The following EYS variants were observed in gnomAD, a reference collection of about 807,000 sequenced individuals.
The protein encoded by EYS is EGF-like photoreceptor maintenance factor.
EYS carries 250 observed loss-of-function variants against 282.1 expected under a neutral mutation model. The ratio of observed to expected loss-of-function variants is 0.89; its 90% CI spans 0.80 to 0.98. The LOEUF (loss-of-function observed/expected upper bound fraction) is 0.98, where lower values mean the gene tolerates loss of function less well. Ranked by LOEUF, EYS falls within the 50% of genes least tolerant of loss-of-function variation. The pLI is 0.00. For synonymous variants in EYS, 1,355 were observed against 1,282.9 expected, an observed-to-expected ratio of 1.06 and a Z score of -1.20; for missense variants, 4,016 against 3,709.0, an observed-to-expected ratio of 1.08 and a Z score of -2.15.
intron 22 of EYS, chr6:64,631,099 A>G (rs1038115479): frequency 6.6e-6 from 1 of 152,206 alleles, no homozygotes; most frequent in African/African-American, 2.4e-5. Flanking sequence ...TTGCTCTGCA[A>G]TACTAGGAGA....
At chr6:65,338,179 A>G (rs1213973388) in intron 10 of EYS, among the ~76,000 whole-genome samples, 2 of 151,104 alleles carry the variant, frequency 1.3e-5, no homozygotes, top group East Asian at 1.9e-4. Context: ...AACTATTGCA[A>G]GTAATTTCTA....
At chr6:64,373,286 C>T (rs1178625010) in intron 29 of EYS, among the ~76,000 whole-genome samples, 1 of 151,948 alleles carries the variant, frequency 6.6e-6, no homozygotes, top group South Asian at 2.1e-4. Flanking sequence ...TATAGGTGTG[C>T]TTGGTTGAAT....
chr6:64,123,380 T>C (rs1441533813), intron 31 of EYS, among the ~76,000 whole-genome samples: 1 of 152,222 alleles, frequency 6.6e-6, no homozygotes. Context: ...AGCAAATTTC[T>C]TAAATTGATT....
At chr6:64,162,175 A>G (rs1775127410) in intron 31 of EYS, among the ~76,000 whole-genome samples, 1 of 152,168 alleles carries the variant, frequency 6.6e-6, no homozygotes, top group Non-Finnish European at 1.5e-5. Context: ...AGAGAACATT[A>G]TTTGAGATCC....
intron 33 of EYS, among the ~76,000 whole-genome samples, chr6:64,050,589 C>T (rs1469789408): frequency 6.6e-6 from 1 of 152,100 alleles, no homozygotes; most frequent in Non-Finnish European, 1.5e-5. Context: ...TCTTTCTTTC[C>T]TAGTACTGGG....
chr6:63,864,661 C>A (rs1286232193), intron 35 of EYS, among the ~76,000 whole-genome samples: 2 of 152,096 alleles, frequency 1.3e-5, no homozygotes, highest in Non-Finnish European at 2.9e-5. Flanking sequence ...CTTTTCAGGG[C>A]TTCATTGAAT....
chr6:64,418,441 T>C (rs1309834116), intron 28 of EYS, among the ~76,000 whole-genome samples: 1 of 151,932 alleles, frequency 6.6e-6, no homozygotes, highest in African/African-American at 2.4e-5. Context: ...TCTAAAGGAG[T>C]CTTTCCTGTG....
Position 64,617,488 on chromosome 6 carries a change from T to C in EYS, c.3614A>G (p.Asn1205Ser), listed in dbSNP as rs1767311557. The C allele has an allele frequency of 1.5e-5, 23 of 1,550,942 alleles. No individual in the cohort carries two copies. The highest frequency in any genetic ancestry group is 1.9e-5 in the Non-Finnish European group (22 of 1,146,484). The change falls in exon 24 of 43, where the codon AAC becomes AGC. Residue 1205 changes from asparagine (N) to serine (S), a missense_variant. By Grantham distance (46) the Asn-to-Ser change is conservative. Coordinates refer to ENST00000503581, the MANE Select transcript of EYS (RefSeq NM_001142800.2). Reference sequence around the variant, plus strand: ...CATGCAGAGTTCATGAACACATGAGTTGGGAATGCACTCAAGCTCATTCTC... The same window carrying C: ...CATGCAGAGTTCATGAACACATGAGCTGGGAATGCACTCAAGCTCATTCTC... Reference protein sequence around the residue: ...HCENELECIPNSCVHELCMEN... With the variant: ...HCENELECIPSSCVHELCMEN...
At chr6:64,263,088 G>A (rs75117159) in intron 30 of EYS, among the ~76,000 whole-genome samples, 5,778 of 151,960 alleles carry the variant, frequency 0.038, 265 homozygotes, top group African/African-American at 0.11. Context: ...GATAGTAAAC[G>A]CTAGTGCAAA....
chr6:64,961,480 T>G (rs1769916167), intron 14 of EYS, among the ~76,000 whole-genome samples: 1 of 151,922 alleles, frequency 6.6e-6, no homozygotes, highest in Non-Finnish European at 1.5e-5. Context: ...CACACACAAT[T>G]TATATACACA....
At chr6:65,334,277 C>A (rs1426329350) in intron 11 of EYS, among the ~76,000 whole-genome samples, 2 of 151,112 alleles carry the variant, frequency 1.3e-5, no homozygotes, top group African/African-American at 4.9e-5. Context: ...TATTTATTTT[C>A]TCATGATAGG....
In EYS at chr6:65,077,708, T is replaced by C. The variant is rs948565401; in HGVS notation, c.2024-19981A>G. Reference sequence around the variant, plus strand: ...TATTCATTTCTAGATTAATGTCAGATAGATAACAGAATTTCTTATAAACAC... The same window carrying C: ...TATTCATTTCTAGATTAATGTCAGACAGATAACAGAATTTCTTATAAACAC... On this transcript the variant is annotated intron_variant, in intron 12 of 42. Coordinates refer to ENST00000503581, the MANE Select transcript of EYS (RefSeq NM_001142800.2). Among the ~76,000 whole-genome samples the C allele has an allele frequency of 3.9e-5, 6 of 152,208 alleles. No homozygotes were observed. The South Asian group carries it at 1.2e-3, about 32-fold the overall frequency.
chr6:63,969,735 T>G (rs184524181), intron 35 of EYS, among the ~76,000 whole-genome samples: 50 of 152,258 alleles, frequency 3.3e-4, no homozygotes, highest in African/African-American at 1.2e-3. Flanking sequence ...CTGTTCTTCA[T>G]CCCCCACAGG....
At chr6:65,695,084 A>G (rs1187263536) in intron 1 of EYS, among the ~76,000 whole-genome samples, 1 of 152,088 alleles carries the variant, frequency 6.6e-6, no homozygotes, top group Non-Finnish European at 1.5e-5. Flanking sequence ...AAAACTACAT[A>G]TCATTCAGTG....
intron 12 of EYS, among the ~76,000 whole-genome samples, chr6:65,162,172 C>G (rs1006716842): frequency 6.6e-6 from 1 of 151,202 alleles, no homozygotes; most frequent in Non-Finnish European, 1.5e-5. Context: ...GACTACAACA[C>G]TTGGTCTTTA....
chr6:65,506,555 T>C (rs1267464777), intron 2 of EYS, among the ~76,000 whole-genome samples: 1 of 140,050 alleles, frequency 7.1e-6, no homozygotes, highest in African/African-American at 2.7e-5. Context: ...CATAGCTCAC[T>C]GTAACCTTGA....
intron 2 of EYS, among the ~76,000 whole-genome samples, chr6:65,606,314 A>C (rs1247979380): frequency 6.6e-6 from 1 of 151,862 alleles, no homozygotes; most frequent in Non-Finnish European, 1.5e-5. Flanking sequence ...CTTTATATTT[A>C]CTTACTACAT....
chr6:65,437,365 T>G (rs1768114147), intron 5 of EYS, among the ~76,000 whole-genome samples: 1 of 152,160 alleles, frequency 6.6e-6, no homozygotes, highest in South Asian at 2.1e-4. Flanking sequence ...TGCAAATTCA[T>G]GCATGAACAT....
At chr6:64,617,273 G>A (rs889631206) in intron 24 of EYS, 145 bp downstream of exon 24, 6 of 611,082 alleles carry the variant, frequency 9.8e-6, no homozygotes, top group African/African-American at 9.4e-5. Flanking sequence ...GGAATGCCGA[G>A]AAAAGTGTAG....
Sources: allele counts gnomAD v4.1 joint callset (sites outside exome capture counted in the v4.1 genomes callset), GRCh38; gene constraint gnomAD v4.1.1; transcripts MANE v1.5; gene names NCBI Gene and HGNC (gene_info 2026-07-23, HGNC 2026-07-21).